PRKCG: variants seen among roughly 807,000 people sequenced by gnomAD.
PRKCG encodes protein kinase C gamma type.
PRKCG carries 28 observed loss-of-function variants against 82.0 expected under a neutral mutation model. The observed-to-expected ratio is 0.34, with a 90% CI of 0.25 to 0.47. The LOEUF (loss-of-function observed/expected upper bound fraction) is 0.47. Among genes scored for constraint, PRKCG ranks in the 20% least tolerant of loss-of-function variants. PRKCG has a pLI of 1.00. For synonymous variants in PRKCG, 383 were observed against 376.6 expected, an observed-to-expected ratio of 1.02 and a Z score of -0.20; for missense variants, 640 against 952.7, an observed-to-expected ratio of 0.67 and a Z score of 4.32.
intron 11 of PRKCG, among the ~76,000 whole-genome samples, chr19:53,899,204 A>T (rs1222581712): frequency 1.5e-5 from 2 of 135,222 alleles, no homozygotes; most frequent in Non-Finnish European, 3.2e-5. Flanking sequence ...GGTCCTGCGG[A>T]GGTGTCGTGA....
At chr19:53,893,260 A>G (rs1195251010) in intron 8 of PRKCG, 102 bp from the exon 9 acceptor site, 1 of 1,383,212 alleles carries the variant, frequency 7.2e-7, no homozygotes, top group African/African-American at 1.4e-5. Context: ...TATAGTTCCT[A>G]TCTATCGCCA....
chr19:53,903,260 A>G, intron 15 of PRKCG, 107 bp downstream of exon 15: 1 of 861,640 alleles, frequency 1.2e-6, no homozygotes, highest in Non-Finnish European at 2.0e-6. Context: ...GTGCTCGAAT[A>G]GCGCTGTCCA....
chr19:53,893,072 T>G lies in PRKCG; in HGVS notation c.906T>G (p.Phe302Leu). Residue 302 changes from phenylalanine to leucine, a missense_variant, in exon 8 of 18, where the codon TTT (phenylalanine) becomes TTG (leucine). This residue lies in a region of PRKCG where 261 missense variants were observed against 312.1 expected (regional missense o/e 0.84). Transcript: ENST00000263431. ...ACAACTGCAGCCTCCTCCAGAAGTTTGAGGTACCCAGACCCTGGCTTCCTC... is the reference window on the plus strand; with the variant it reads ...ACAACTGCAGCCTCCTCCAGAAGTTGGAGGTACCCAGACCCTGGCTTCCTC... ...DADNCSLLQK[F>L]EACNYPLELY... 1 of 1,613,690 alleles carries G rather than the reference T, an allele frequency of 6.2e-7. No individual in the cohort carries two copies. The highest frequency in any genetic ancestry group is 8.5e-7 in the Non-Finnish European group (1 of 1,179,758).
rs1485831153 is a variant in PRKCG at position 53,891,681 on chromosome 19, G to A, written c.537G>A (p.Glu179=). 1.2e-6 allele frequency: 2 copies of A among 1,613,936 alleles called. No individual in the cohort carries two copies. Among genetic ancestry groups the A allele is most frequent in the East Asian group, 4.5e-5 (2 of 44,852 alleles). ...TCCTCACTCCCCGTTTAGTTGGCGA[G>A]GCCCGTAACCTAATTCCTATGGACC... ...TADEIHVTVG[E]ARNLIPMDPN... Residue 179 remains glutamate, a synonymous_variant, in exon 6 of 18, where the codon GAG becomes GAA. Transcript: ENST00000263431.
At chr19:53,906,025 CCCT>C (rs371426657) in intron 16 of PRKCG, among the ~76,000 whole-genome samples, 1,695 of 79,340 alleles carry the variant, frequency 0.021, 96 homozygotes, top group East Asian at 0.034. Flanking sequence ...CTGTCTGTCT[CCCT>C]CCTCCTCCTC....
Position 53,882,405 on chromosome 19 carries a change from C to A in PRKCG, c.-90C>A. On this transcript the variant is annotated 5_prime_UTR_variant, in exon 1 of 18. Coordinates refer to ENST00000263431, the MANE Select transcript of PRKCG (RefSeq NM_002739.5). The surrounding 1 kb of genome is among the most constrained non-coding windows in gnomAD (Gnocchi z 6.1). Reference sequence around the variant, plus strand: ...CCACCTCGGAATTTCCCTGTGGCTCCTTTGATCCTTCGAGTCTCCAGCTCC... The same window carrying A: ...CCACCTCGGAATTTCCCTGTGGCTCATTTGATCCTTCGAGTCTCCAGCTCC... 1 of 1,547,980 alleles carries A rather than the reference C, an allele frequency of 6.5e-7. No homozygotes were observed. Among genetic ancestry groups the A allele is most frequent in the South Asian group, 1.2e-5 (1 of 83,986 alleles).
At chr19:53,903,747 GAACA>G (rs887692290) in intron 15 of PRKCG, among the ~76,000 whole-genome samples, 9 of 151,902 alleles carry the variant, frequency 5.9e-5, no homozygotes, top group Non-Finnish European at 1.0e-4. Flanking sequence ...CATCTCAAAA[GAACA>G]AACAAACAAA....
intron 3 of PRKCG, among the ~76,000 whole-genome samples, chr19:53,887,499 A>G (rs1268135991): frequency 1.9e-3 from 21 of 10,874 alleles, no homozygotes; most frequent in Non-Finnish European, 3.0e-3. Context: ...CTCTGTCTCA[A>G]AAAAAAAAAA....
chr19:53,883,276 T>C lies in PRKCG; in HGVS notation c.202+82T>C. 2.6e-6 allele frequency: 4 copies of C among 1,527,940 alleles called. No individual in the cohort carries two copies. Among genetic ancestry groups the C allele is most frequent in the Non-Finnish European group, 3.6e-6 (4 of 1,105,794 alleles). 94.6% of individuals were successfully genotyped at this position (1,527,940 alleles called of 1,614,324 possible). On this transcript the variant is annotated intron_variant, in intron 2 of 17. Transcript: ENST00000263431. The surrounding 1 kb of genome is among the most constrained non-coding windows in gnomAD (Gnocchi z 5.4). ...CACAGCTGAGGCTGCTTGACACACG[T>C]GTTCTCTGGTCCCCAGAGAGGCGCG...
chr19:53,906,384 A>G lies in PRKCG; in HGVS notation c.1832A>G (p.His611Arg), dbSNP rs2068811339. The G allele has an allele frequency of 1.9e-6, 3 of 1,562,002 alleles. No homozygotes were observed. Among genetic ancestry groups the G allele is most frequent in the Non-Finnish European group, 1.7e-6 (2 of 1,152,332 alleles). The change falls in exon 17 of 18, where the codon CAT becomes CGT. Residue 611 changes from histidine to arginine, a missense_variant. Physicochemically the swap from His to Arg is conservative, Grantham distance 29. Transcript: ENST00000263431. ...GATGGGGAACCTACCATCCGTGCAC[A>G]TGGCTTTTTCCGCTGGATTGACTGG... The part of the protein sequence containing the change: ...GPDGEPTIRA[H>R]GFFRWIDWER...
In PRKCG at chr19:53,889,435, T is replaced by C. The variant is rs958373146; in HGVS notation, c.286-203T>C. 2.6e-5 allele frequency among the ~76,000 whole-genome samples: 4 copies of C among 151,936 alleles called. No homozygotes were observed. Among genetic ancestry groups the C allele is most frequent in the Non-Finnish European group, 5.9e-5 (4 of 68,004 alleles). ...CATGTGACAAAGAGGTTTTTTTTTT[T>C]CATTTGTTTAATGCTGGGTCCCCAC... On this transcript the variant is annotated intron_variant, in intron 3 of 17. Transcript: ENST00000263431. The surrounding 1 kb of genome is among the most constrained non-coding windows in gnomAD (Gnocchi z 4.4).
At chr19:53,896,800 G>C (rs536140744) in intron 9 of PRKCG, among the ~76,000 whole-genome samples, 62 of 152,340 alleles carry the variant, frequency 4.1e-4, no homozygotes, top group Non-Finnish European at 3.1e-4. Flanking sequence ...CTGCCTTAGG[G>C]AGCTCACAGG....
intron 6 of PRKCG, 107 bp downstream of exon 6, chr19:53,891,937 C>A: frequency 7.0e-7 from 1 of 1,421,228 alleles, no homozygotes; most frequent in Non-Finnish European, 9.8e-7. Flanking sequence ...TAGAGGGAAC[C>A]CAGAAAAGGG....
chr19:53,905,904 C>T (rs1442714911), intron 16 of PRKCG, among the ~76,000 whole-genome samples: 1 of 140,764 alleles, frequency 7.1e-6, no homozygotes, highest in Non-Finnish European at 1.5e-5. Flanking sequence ...TGTATCCTCT[C>T]CTTCTTCCTG....
chr19:53,883,011 A>G lies in PRKCG; in HGVS notation c.171-152A>G. ...AAGGGAAGAAGGGCTGGGGGCCAAA[A>G]TTTCTGGGTTCTAGAAAGAGGAGGT... On this transcript the variant is annotated intron_variant, in intron 1 of 17. Coordinates refer to ENST00000263431, the MANE Select transcript of PRKCG (RefSeq NM_002739.5). The surrounding 1 kb of genome is among the most constrained non-coding windows in gnomAD (Gnocchi z 5.4). The G allele has an allele frequency of 9.9e-7, 1 of 1,011,236 alleles. No homozygotes were observed. The highest frequency in any genetic ancestry group is 1.5e-6 in the Non-Finnish European group (1 of 653,966). 62.6% of individuals were successfully genotyped at this position (1,011,236 alleles called of 1,614,324 possible). A position where few individuals can be genotyped will look rare whatever the true frequency, so the allele number is the denominator to read the frequency against.
chr19:53,901,786 G>C lies in PRKCG; in HGVS notation c.1575+1037G>C, dbSNP rs145440950. ...AATTACTTGAACCCGGGAGGTGGAG[G>C]TTGCAGTGAGCTGAGATCGCGCCAC... On this transcript the variant is annotated intron_variant, in intron 14 of 17. Transcript: ENST00000263431. 5.3e-4 allele frequency among the ~76,000 whole-genome samples: 79 copies of C among 149,074 alleles called. 1 individual carries two copies. The highest frequency in any genetic ancestry group is 3.0e-3 in the East Asian group (15 of 5,016).
intron 11 of PRKCG, among the ~76,000 whole-genome samples, chr19:53,899,304 A>G (rs1007812479): frequency 6.6e-6 from 1 of 152,018 alleles, no homozygotes; most frequent in East Asian, 1.9e-4. Context: ...CTTGGTCTTG[A>G]GTGGCTGTAG....
chr19:53,893,374 C>A lies in PRKCG; in HGVS notation c.922C>A (p.Pro308Thr). The A allele has an allele frequency of 6.2e-7, 1 of 1,613,698 alleles. No individual in the cohort carries two copies. Among genetic ancestry groups the A allele is most frequent in the Non-Finnish European group, 8.5e-7 (1 of 1,179,600 alleles). Residue 308 changes from proline to threonine, a missense_variant, in exon 9 of 18, where the codon CCC becomes ACC. Transcript: ENST00000263431. The part of the protein sequence containing the change: ...LLQKFEACNY[P>T]LELYERVRMG... ...TCTTTTCTCCCAGGCTTGTAACTAC[C>A]CCCTGGAATTGTATGAGGTGAGTAG...
In PRKCG at chr19:53,885,093, C is replaced by T. The variant is rs377245969; in HGVS notation, c.285+850C>T. Among the ~76,000 whole-genome samples the T allele has an allele frequency of 7.9e-5, 12 of 152,280 alleles. No individual in the cohort carries two copies. The East Asian group carries it at 2.3e-3, about 29-fold the overall frequency. On this transcript the variant is annotated intron_variant, in intron 3 of 17. Coordinates refer to ENST00000263431, the MANE Select transcript of PRKCG (RefSeq NM_002739.5). ...TGACCAACAGAACTGTTTACAGTGA[C>T]GGAAGCATTCTGTACATGCACTGTC...
Sources: allele counts gnomAD v4.1 joint callset (sites outside exome capture counted in the v4.1 genomes callset), GRCh38; gene constraint gnomAD v4.1.1; regional missense constraint gnomAD v4.1.1; non-coding constraint Gnocchi (gnomAD v3.1); transcripts MANE v1.5; gene names NCBI Gene and HGNC (gene_info 2026-07-23, HGNC 2026-07-21).